Variants in SH3RF2 observed in about 807,000 individuals in gnomAD.
SH3RF2 encodes SH3 domain containing ring finger 2.
Under a neutral mutation model 59.0 loss-of-function variants are expected in SH3RF2, and 43 were observed. The ratio of observed to expected loss-of-function variants is 0.73; its 90% CI spans 0.57 to 0.94. The LOEUF (loss-of-function observed/expected upper bound fraction) is 0.94. Ranked by LOEUF, SH3RF2 falls within the 40% of genes least tolerant of loss-of-function variation. The pLI is 0.00. For synonymous variants in SH3RF2, 391 were observed against 391.5 expected (o/e 1.00, Z 0.01); for missense variants, 930 against 940.1 (o/e 0.99, Z 0.14).
intron 1 of SH3RF2, chr5:145,936,930 C>T (rs2149934377): frequency 6.6e-6 from 1 of 152,358 alleles, no homozygotes; most frequent in Middle Eastern, 3.4e-3. Context: ...GGCTTCTTTT[C>T]ATACATCCAA....
chr5:145,958,864 C>G (rs1485940218), intron 2 of SH3RF2, among the ~76,000 whole-genome samples: 1 of 152,182 alleles, frequency 6.6e-6, no homozygotes. Flanking sequence ...ACGAACACAT[C>G]CAAGATCATG....
chr5:145,938,151 GGAGT>G lies in SH3RF2; in HGVS notation c.225_228del (p.Val76AlafsTer18), dbSNP rs1196688955. On this transcript the variant is annotated frameshift_variant, in exon 2 of 10. Coordinates refer to ENST00000359120, the MANE Select transcript of SH3RF2 (RefSeq NM_152550.4). LOFTEE classifies it high-confidence loss of function. The stretch of plus-strand genomic sequence containing the variant: ...CCTGCTGCTCGTGCGCCTTCTGGAT[GGAGT>G]GCGCTCAGGGCAGAGCTCCGGGAGA... The G allele has an allele frequency of 1.2e-6, 2 of 1,614,192 alleles. No homozygotes were observed. Among genetic ancestry groups the G allele is most frequent in the Non-Finnish European group, 1.7e-6 (2 of 1,180,042 alleles).
rs573731640 is a variant in SH3RF2 at position 145,977,188 on chromosome 5, C to T, written c.379-22870C>T. Among the ~76,000 whole-genome samples, 67 of 152,302 alleles carry T rather than the reference C, an allele frequency of 4.4e-4. 1 individual carries two copies. In the South Asian group the frequency reaches 0.012, roughly 27 times the overall value. On this transcript the variant is annotated intron_variant, in intron 2 of 9. Transcript: ENST00000359120. ...TAGTCCAGGGCTCTTTTTCTTAGGCCCGACTACCTCCTGCACATGCTAAAA... is the reference window on the plus strand; with the variant it reads ...TAGTCCAGGGCTCTTTTTCTTAGGCTCGACTACCTCCTGCACATGCTAAAA...
At chr5:145,985,424 C>T (rs1415452687) in intron 2 of SH3RF2, among the ~76,000 whole-genome samples, 3 of 152,198 alleles carry the variant, frequency 2.0e-5, no homozygotes, top group African/African-American at 2.4e-5. Context: ...TCTTCAAGGT[C>T]ATTCTCCCCA....
At chr5:145,964,197 T>TTTCC (rs948363685) in intron 2 of SH3RF2, among the ~76,000 whole-genome samples, 2 of 151,420 alleles carry the variant, frequency 1.3e-5, no homozygotes, top group East Asian at 1.9e-4. Flanking sequence ...TCTTCTTTCT[T>TTTCC]TTCCTTCCTT....
intron 2 of SH3RF2, chr5:145,997,848 C>A (rs749847250): frequency 2.7e-5 from 34 of 1,271,432 alleles, no homozygotes; most frequent in Non-Finnish European, 3.9e-5. Flanking sequence ...AAAAACAACT[C>A]ACATCTTGAA....
chr5:146,022,831 C>T (rs937259376), intron 5 of SH3RF2, among the ~76,000 whole-genome samples: 8 of 150,330 alleles, frequency 5.3e-5, no homozygotes, highest in Non-Finnish European at 8.9e-5. Context: ...GAGATCTTGC[C>T]GGTGCACTGC....
Position 145,945,099 on chromosome 5 carries a change from T to C in SH3RF2, c.378+6793T>C, listed in dbSNP as rs576718611. ...TCAAAATTAGGGATATTGATATTGA[T>C]TTTAAGGTATTCATTATAAGATGTA... On this transcript the variant is annotated intron_variant, in intron 2 of 9. Transcript: ENST00000359120. Among the ~76,000 whole-genome samples the C allele has an allele frequency of 5.9e-5, 9 of 152,292 alleles. No individual in the cohort carries two copies. In the South Asian group the frequency reaches 1.9e-3, roughly 32 times the overall value.
chr5:145,943,939 C>A (rs187252692), intron 2 of SH3RF2, among the ~76,000 whole-genome samples: 128 of 152,286 alleles, frequency 8.4e-4, no homozygotes, highest in African/African-American at 3.0e-3. Flanking sequence ...AAGTTGCCTG[C>A]CCACCTGTCC....
At chr5:145,988,187 T>A (rs1009058878) in intron 2 of SH3RF2, among the ~76,000 whole-genome samples, 1 of 152,080 alleles carries the variant, frequency 6.6e-6, no homozygotes, top group African/African-American at 2.4e-5. Context: ...GAGATTTCAT[T>A]GTGTGATGAC....
At position 146,057,187 on chromosome 5, in the gene SH3RF2, T is replaced by C. The variant is rs762287529; in HGVS notation, c.1555+974T>C. The stretch of plus-strand genomic sequence containing the variant: ...CAGAAGAGTAACGTGTGGGACAATA[T>C]GCCCCTTTTTAAGGAAAGATCTCCC... On this transcript the variant is annotated intron_variant, in intron 8 of 9. Transcript: ENST00000359120. Among the ~76,000 whole-genome samples the C allele has an allele frequency of 1.5e-4, 23 of 152,358 alleles. 1 individual carries two copies. Among genetic ancestry groups the C allele is most frequent in the Non-Finnish European group, 2.6e-4 (18 of 68,030 alleles).
chr5:145,980,287 A>T (rs1759460228), intron 2 of SH3RF2, among the ~76,000 whole-genome samples: 2 of 152,160 alleles, frequency 1.3e-5, no homozygotes, highest in South Asian at 4.1e-4. Context: ...AATTAGGTGT[A>T]TGTTTTTCCA....
intron 5 of SH3RF2, among the ~76,000 whole-genome samples, chr5:146,032,623 A>G (rs1267611497): frequency 6.6e-6 from 1 of 152,182 alleles, no homozygotes; most frequent in Non-Finnish European, 1.5e-5. Flanking sequence ...GACAATCCAG[A>G]TGCTATCTTG....
chr5:145,994,258 T>C (rs1268020246), intron 2 of SH3RF2, among the ~76,000 whole-genome samples: 1 of 152,220 alleles, frequency 6.6e-6, no homozygotes, highest in African/African-American at 2.4e-5. Flanking sequence ...TCAACAAGTC[T>C]CTAGGAAGTT....
Position 145,937,845 on chromosome 5 carries a change from G to A in SH3RF2, c.-84G>A. On this transcript the variant is annotated 5_prime_UTR_variant, in exon 2 of 10. Coordinates refer to ENST00000359120, the MANE Select transcript of SH3RF2 (RefSeq NM_152550.4). ...CAGGCAAAAATTCTGACGTTCTCAA[G>A]AGACCAGCTCTGCCCCCGTGGCTCA... 1 of 1,495,336 alleles carries A rather than the reference G, an allele frequency of 6.7e-7. No individual in the cohort carries two copies. Among genetic ancestry groups the A allele is most frequent in the Non-Finnish European group, 8.9e-7 (1 of 1,120,876 alleles). 92.6% of individuals were successfully genotyped at this position (1,495,336 alleles called of 1,614,324 possible). A position where few individuals can be genotyped will look rare whatever the true frequency, so the allele number is the denominator to read the frequency against.
At chr5:146,066,285 CAAAT>C (rs1331573061), downstream of SH3RF2, among the ~76,000 whole-genome samples, 3 of 152,188 alleles carry the variant, frequency 2.0e-5, no homozygotes, top group African/African-American at 4.8e-5. Context: ...CGGCTGCGCA[CAAAT>C]ACAGTTCAGG....
chr5:146,062,766 C>T lies in SH3RF2; in HGVS notation c.*65C>T. 1 of 1,545,266 alleles carries T rather than the reference C, an allele frequency of 6.5e-7. No homozygotes were observed. On this transcript the variant is annotated 3_prime_UTR_variant, in exon 10 of 10. Transcript: ENST00000359120. ...TGCATTTAAATACAGTCTGCCTCCACTGAGGGCATCCTGCCATTCTTTGGG... is the reference window on the plus strand; with the variant it reads ...TGCATTTAAATACAGTCTGCCTCCATTGAGGGCATCCTGCCATTCTTTGGG...
chr5:146,034,871 C>A (rs937946484), intron 5 of SH3RF2, among the ~76,000 whole-genome samples: 1 of 152,132 alleles, frequency 6.6e-6, no homozygotes, highest in African/African-American at 2.4e-5. Context: ...CTTTGGGAGG[C>A]CAAGGCAGGT....
intron 5 of SH3RF2, among the ~76,000 whole-genome samples, chr5:146,015,164 A>G (rs938166163): frequency 2.6e-5 from 4 of 152,166 alleles, no homozygotes; most frequent in Non-Finnish European, 5.9e-5. Context: ...AGGAGGAAAG[A>G]GAAAGTCAAG....
Sources: gnomAD v4.1 joint callset for allele counts (sites outside exome capture counted in the v4.1 genomes callset) on GRCh38, gnomAD v4.1.1 for gene constraint, MANE v1.5 for transcripts, NCBI Gene and HGNC (gene_info 2026-07-23, HGNC 2026-07-21) for gene names.